PUDP: variants seen among roughly 807,000 people sequenced by gnomAD.
PUDP encodes pseudouridine 5'-phosphatase.
A neutral mutation model predicts 9.4 loss-of-function variants in PUDP; 8 were observed. The observed-to-expected ratio is 0.85, with a 90% CI of 0.50 to 1.53. The LOEUF (loss-of-function observed/expected upper bound fraction) is 1.53, where lower values mean the gene tolerates loss of function less well. PUDP is among the 40% of genes most tolerant of loss of function. The pLI is 0.00. For missense variants in PUDP, 188 were observed against 189.7 expected (o/e 0.99, Z 0.05); for synonymous variants, 99 against 80.7 (o/e 1.23, Z -1.22).
downstream of PUDP, among the ~76,000 whole-genome samples, chrX:7,045,807 A>T (rs1159635608): frequency 8.9e-6 from 1 of 112,340 alleles, no homozygotes; most frequent in African/African-American, 3.2e-5. Flanking sequence ...GCTAGAAAAA[A>T]AGAGACTGCC....
chrX:6,846,074 T>C (rs965600557), intron 3 of PUDP, among the ~76,000 whole-genome samples: 2 of 112,323 alleles, frequency 1.8e-5, no homozygotes, highest in Non-Finnish European at 3.8e-5. Context: ...AAACTTGTTT[T>C]TATTTATAAA....
intron 3 of PUDP, among the ~76,000 whole-genome samples, chrX:6,931,016 T>C (rs1352101492): frequency 9.0e-6 from 1 of 111,573 alleles, no homozygotes; most frequent in Admixed American, 9.5e-5. Flanking sequence ...GTGTACCCTA[T>C]ATTTTTATTC....
At chrX:6,817,012 C>T (rs1056989664) in intron 3 of PUDP, among the ~76,000 whole-genome samples, 45 of 90,875 alleles carry the variant, frequency 5.0e-4, no homozygotes, top group African/African-American at 1.9e-3. Flanking sequence ...AATATATATA[C>T]ACATATAGTA....
chrX:6,961,089 T>C (rs971563614), intron 3 of PUDP, among the ~76,000 whole-genome samples: 6 of 112,079 alleles, frequency 5.4e-5, no homozygotes, highest in Admixed American at 1.9e-4. Flanking sequence ...GGCAAACTCC[T>C]ATTCATCCTT....
intron 3 of PUDP, among the ~76,000 whole-genome samples, chrX:6,901,438 T>C (rs376350359): frequency 9.4e-4 from 105 of 112,293 alleles, no homozygotes; most frequent in African/African-American, 3.0e-3. Context: ...CAACAAACAC[T>C]GATGCCAGGA....
At chrX:6,961,335 A>G (rs1022962480) in intron 3 of PUDP, among the ~76,000 whole-genome samples, 1 of 110,671 alleles carries the variant, frequency 9.0e-6, no homozygotes, top group Admixed American at 9.7e-5. Flanking sequence ...GCAGTGAGCC[A>G]TGATAATGAC....
chrX:6,984,376 T>C (rs1182387084), intron 1 of PUDP, among the ~76,000 whole-genome samples: 1 of 112,082 alleles, frequency 8.9e-6, no homozygotes, highest in Non-Finnish European at 1.9e-5. Context: ...AGGCATTCAA[T>C]TGTACACATG....
intron 3 of PUDP, among the ~76,000 whole-genome samples, chrX:6,728,588 C>A (rs1203702088): frequency 8.9e-6 from 1 of 111,892 alleles, no homozygotes; most frequent in African/African-American, 3.3e-5. Flanking sequence ...GATTATGTGA[C>A]TTGCCGAAAG....
At chrX:6,874,818 A>G (rs1401733557) in intron 3 of PUDP, among the ~76,000 whole-genome samples, 3 of 112,081 alleles carry the variant, frequency 2.7e-5, no homozygotes, top group Non-Finnish European at 5.6e-5. Context: ...TTCCCTCCAG[A>G]AGACATCTTT....
chrX:6,841,528 G>A (rs940719339), intron 3 of PUDP, among the ~76,000 whole-genome samples: 2 of 110,654 alleles, frequency 1.8e-5, no homozygotes, highest in African/African-American at 6.6e-5. Flanking sequence ...TTGAGCCCAG[G>A]AGGTCAAGTC....
intron 3 of PUDP, among the ~76,000 whole-genome samples, chrX:6,912,900 G>A (rs751381892): frequency 1.2e-3 from 138 of 111,775 alleles, no homozygotes; most frequent in African/African-American, 4.2e-3. Context: ...CTCTGCCTAC[G>A]TTTGCAAATA....
At chrX:6,816,933 C>A (rs1330558531) in intron 3 of PUDP, among the ~76,000 whole-genome samples, 1 of 91,003 alleles carries the variant, frequency 1.1e-5, no homozygotes, top group East Asian at 3.2e-4. Context: ...AATATATATA[C>A]ACATATAGTA....
rs1926378510 is a variant in PUDP at position 6,823,495 on chromosome X, C to A, written c.*248-117029G>T. ...GACCTATTAGGCTTCACCTACACAA[C>A]AAAGTCTGCTTTACTAGCCAGTCCT... On this transcript the variant is annotated intron_variant and NMD_transcript_variant, in intron 3 of 3. Transcript: ENST00000655425. Among the ~76,000 whole-genome samples the A allele has an allele frequency of 3.6e-5, 4 of 112,273 alleles. No individual in the cohort carries two copies. In the South Asian group the frequency reaches 1.5e-3, roughly 41 times the overall value.
chrX:6,790,798 T>C (rs1012540832), intron 3 of PUDP, among the ~76,000 whole-genome samples: 24 of 112,038 alleles, frequency 2.1e-4, no homozygotes, highest in African/African-American at 7.1e-4. Context: ...ATGACGGACC[T>C]TTCTAGGGTG....
intron 1 of PUDP, among the ~76,000 whole-genome samples, chrX:7,037,242 G>A (rs142897456): frequency 0.012 from 1,344 of 111,706 alleles, 12 homozygotes; most frequent in Non-Finnish European, 0.018. Flanking sequence ...ATCTGGTCCA[G>A]CATAGCAGGA....
intron 3 of PUDP, among the ~76,000 whole-genome samples, chrX:6,837,275 T>C (rs774637083): frequency 2.0e-4 from 22 of 112,463 alleles, no homozygotes. Flanking sequence ...GGAGAAAATA[T>C]TTCCTTGGAC....
intron 3 of PUDP, among the ~76,000 whole-genome samples, chrX:6,971,996 A>G (rs984909272): frequency 8.9e-5 from 10 of 111,758 alleles, no homozygotes; most frequent in African/African-American, 3.3e-4. Flanking sequence ...GAGTTCACTC[A>G]TGATTTGGCT....
chrX:6,709,518 C>T (rs749406109), intron 1 of PUDP, among the ~76,000 whole-genome samples: 15 of 112,058 alleles, frequency 1.3e-4, no homozygotes, highest in South Asian at 1.1e-3. Context: ...ATGGTGCCTC[C>T]ATCACCCGAA....
chrX:6,957,811 A>C (rs1239272320), intron 3 of PUDP, among the ~76,000 whole-genome samples: 1 of 112,081 alleles, frequency 8.9e-6, no homozygotes, highest in Non-Finnish European at 1.9e-5. Context: ...GAAGTCTGGA[A>C]CTTGTTAGAG....
Sources: gnomAD v4.1 joint callset for allele counts (sites outside exome capture counted in the v4.1 genomes callset) on GRCh38, gnomAD v4.1.1 for gene constraint, MANE v1.5 for transcripts, NCBI Gene and HGNC (gene_info 2026-07-23, HGNC 2026-07-21) for gene names.